The following DMD variants were observed in gnomAD, a reference collection of about 807,000 sequenced individuals.
DMD encodes the protein dystrophin.
In DMD, 63 loss-of-function variants were observed where a neutral mutation model predicts 330.1. The ratio of observed to expected loss-of-function variants is 0.19; its 90% CI spans 0.16 to 0.24. The LOEUF is 0.24. DMD is among the 10% of genes least tolerant of loss of function. The pLI, the probability that DMD is intolerant of heterozygous loss-of-function variation, is 1.00. For missense variants in DMD, 3,344 were observed against 2,684.1 expected (o/e 1.25, Z -5.43); for synonymous variants, 1,223 against 959.8 (o/e 1.27, Z -5.07).
chrX:32,590,449 G>T (rs1038902674), intron 13 of DMD, among the ~76,000 whole-genome samples: 1 of 111,867 alleles, frequency 8.9e-6, no homozygotes, highest in Non-Finnish European at 1.9e-5. Flanking sequence ...GTCTGTGAGA[G>T]TGTAGCCAAA....
At chrX:31,997,612 C>T (rs923732150) in intron 44 of DMD, among the ~76,000 whole-genome samples, 7 of 109,939 alleles carry the variant, frequency 6.4e-5, no homozygotes, top group Non-Finnish European at 9.5e-5. Flanking sequence ...GATTTGTGCA[C>T]GTATTTTTAA....
At chrX:31,875,841 T>G (rs2149682525) in intron 47 of DMD, among the ~76,000 whole-genome samples, 1 of 112,673 alleles carries the variant, frequency 8.9e-6, no homozygotes, top group Admixed American at 9.4e-5. Flanking sequence ...TGAGTGATTT[T>G]TATTCAATGC....
At chrX:33,030,122 TG>T (rs1213584271) in intron 1 of DMD, among the ~76,000 whole-genome samples, 5 of 111,427 alleles carry the variant, frequency 4.5e-5, no homozygotes, top group Non-Finnish European at 9.4e-5. Context: ...ATGTGACACA[TG>T]TATGACATAT....
intron 62 of DMD, among the ~76,000 whole-genome samples, chrX:31,267,909 CTGTT>C (rs1358876689): frequency 2.7e-5 from 3 of 112,715 alleles, no homozygotes; most frequent in Non-Finnish European, 5.6e-5. Flanking sequence ...TTACGATAAA[CTGTT>C]AGTGATATTT....
chrX:32,458,701 G>A (rs1444999768), intron 25 of DMD, among the ~76,000 whole-genome samples: 3 of 111,261 alleles, frequency 2.7e-5, no homozygotes, highest in Non-Finnish European at 5.7e-5. Flanking sequence ...ACCCTAACAG[G>A]TATGAAGAGG....
In DMD at chrX:32,974,287, G is replaced by A. The variant is rs181585379; in HGVS notation, c.93+45852C>T. Among the ~76,000 whole-genome samples the A allele has an allele frequency of 3.8e-3, 418 of 111,261 alleles. 1 individual carries two copies. Among genetic ancestry groups the A allele is most frequent in the Non-Finnish European group, 6.2e-3 (331 of 53,023 alleles). ...AGAGTAGCGGTTGCCAGAGGCTAGA[G>A]GGAGAGAGGAATGGGGAGTGACTGC... On this transcript the variant is annotated intron_variant, in intron 2 of 78. Transcript: ENST00000357033.
intron 48 of DMD, among the ~76,000 whole-genome samples, chrX:31,871,153 A>T (rs185332261): frequency 1.8e-5 from 2 of 111,314 alleles, no homozygotes; most frequent in African/African-American, 6.5e-5. Flanking sequence ...CATGCCTTCT[A>T]GTGGGCTGAC....
intron 41 of DMD, among the ~76,000 whole-genome samples, chrX:32,324,712 C>T (rs748646893): frequency 3.6e-5 from 4 of 111,611 alleles, no homozygotes; most frequent in South Asian, 3.7e-4. Context: ...ACCTTACATA[C>T]AACTCTTCTG....
intron 41 of DMD, among the ~76,000 whole-genome samples, chrX:32,332,066 G>A (rs1483093467): frequency 9.0e-6 from 1 of 111,234 alleles, no homozygotes; most frequent in Non-Finnish European, 1.9e-5. Context: ...TTCAAAAATT[G>A]TATACTTCTA....
chrX:33,085,089 A>C (rs1157301384), intron 1 of DMD, among the ~76,000 whole-genome samples: 1 of 111,574 alleles, frequency 9.0e-6, no homozygotes, highest in Non-Finnish European at 1.9e-5. Context: ...ATGTTTCATT[A>C]AACTAAGATA....
intron 74 of DMD, among the ~76,000 whole-genome samples, chrX:31,168,711 A>T (rs2039679569): frequency 8.9e-6 from 1 of 111,827 alleles, no homozygotes; most frequent in Non-Finnish European, 1.9e-5. Context: ...TGTGAGTTAG[A>T]AGTGATCATG....
chrX:31,765,899 T>C (rs2089963229), intron 51 of DMD, among the ~76,000 whole-genome samples: 1 of 110,952 alleles, frequency 9.0e-6, no homozygotes, highest in Non-Finnish European at 1.9e-5. Flanking sequence ...GACAATTTGT[T>C]GAACGAAGGA....
chrX:32,474,077 T>C (rs2040945541), intron 21 of DMD, among the ~76,000 whole-genome samples: 1 of 111,084 alleles, frequency 9.0e-6, no homozygotes, highest in Non-Finnish European at 1.9e-5. Flanking sequence ...GAACATACAA[T>C]GTTTGGTTTT....
intron 16 of DMD, among the ~76,000 whole-genome samples, chrX:32,563,910 A>T (rs1193874354): frequency 3.6e-5 from 4 of 111,704 alleles, no homozygotes; most frequent in Non-Finnish European, 7.5e-5. Flanking sequence ...GGTTTGTTAC[A>T]TAGGTAAATG....
In DMD at chrX:31,579,352, G is replaced by A. The variant is rs181833869; in HGVS notation, c.8217+48321C>T. Among the ~76,000 whole-genome samples, 19 of 112,279 alleles carry A rather than the reference G, an allele frequency of 1.7e-4. No homozygotes were observed. The East Asian group carries it at 5.0e-3, about 30-fold the overall frequency. The stretch of plus-strand genomic sequence containing the variant: ...TGTGTGATAAAAGTGCAAAGAGTTC[G>A]CTAGAGCCATACTGAATAATTTGTC... On this transcript the variant is annotated intron_variant, in intron 55 of 78. Transcript: ENST00000357033.
intron 1 of DMD, among the ~76,000 whole-genome samples, chrX:33,131,378 T>A (rs1199418736): frequency 8.9e-6 from 1 of 112,021 alleles, no homozygotes; most frequent in Admixed American, 9.5e-5. Context: ...CAAGCAATTC[T>A]AATGAACAGC....
chrX:32,483,169 C>CTATATAT (rs1355171852), intron 21 of DMD, among the ~76,000 whole-genome samples: 10 of 34,845 alleles, frequency 2.9e-4, no homozygotes, highest in Non-Finnish European at 5.0e-4. Flanking sequence ...ATATATACAC[C>CTATATAT]ATATTTAATT....
At chrX:33,249,459 T>C in intron 1 of DMD, among the ~76,000 whole-genome samples, 1 of 112,019 alleles carries the variant, frequency 8.9e-6, no homozygotes, top group Non-Finnish European at 1.9e-5. Flanking sequence ...CCAATTGCTC[T>C]CATTTAAATT....
chrX:32,927,373 T>C (rs2089148871), intron 2 of DMD, among the ~76,000 whole-genome samples: 1 of 98,121 alleles, frequency 1.0e-5, no homozygotes, highest in Middle Eastern at 5.1e-3. Context: ...CTTTTTTTTT[T>C]TTTTTTTTTT....
Sources: gnomAD v4.1 joint callset for allele counts (sites outside exome capture counted in the v4.1 genomes callset) on GRCh38, gnomAD v4.1.1 for gene constraint, MANE v1.5 for transcripts, NCBI Gene and HGNC (gene_info 2026-07-23, HGNC 2026-07-21) for gene names.